CUX2: variants seen among roughly 807,000 people sequenced by gnomAD.
The protein encoded by CUX2 is homeobox protein cut-like 2.
Under a neutral mutation model 144.8 loss-of-function variants are expected in CUX2, and 40 were observed. The observed-to-expected ratio is 0.28, with a 90% CI of 0.21 to 0.36. CUX2 has a LOEUF of 0.36. Ranked by LOEUF, CUX2 falls within the 10% of genes least tolerant of loss-of-function variation. CUX2 has a pLI of 1.00. For synonymous variants in CUX2, 827 were observed against 875.6 expected (o/e 0.94, Z 0.98); for missense variants, 1,615 against 1,994.0 (o/e 0.81, Z 3.62).
chr12:111,041,080 A>G (rs1381121914), intron 1 of CUX2, among the ~76,000 whole-genome samples: 1 of 152,210 alleles, frequency 6.6e-6, no homozygotes, highest in Admixed American at 6.5e-5. Context: ...GAGCAGTGAG[A>G]GGCCCCTGCC....
Position 111,148,983 on chromosome 12 carries a change from C to T in CUX2, c.64-65217C>T, listed in dbSNP as rs770892770. On this transcript the variant is annotated intron_variant, in intron 1 of 21. Transcript: ENST00000261726. The stretch of plus-strand genomic sequence containing the variant: ...CTCCACTCCAGCCTGGGTGACAGAG[C>T]GAGACCCTGCCTCTAAGGGTGGAAA... Among the ~76,000 whole-genome samples the T allele has an allele frequency of 2.6e-5, 4 of 151,962 alleles. No individual in the cohort carries two copies. The East Asian group carries it at 5.8e-4, about 22-fold the overall frequency.
At position 111,293,527 on chromosome 12, in the gene CUX2, T is replaced by C; in HGVS notation, c.518T>C (p.Leu173Pro). 1.2e-6 allele frequency: 2 copies of C among 1,600,430 alleles called. No homozygotes were observed. Among genetic ancestry groups the C allele is most frequent in the Non-Finnish European group, 1.7e-6 (2 of 1,175,314 alleles). ...RLPGIPGKAL[L>P]TETLLQRNEA... ...CCAGGCATTCCCGGGAAAGCCCTCC[T>C]GACAGAAACCTTGCTGCAGAGAAAT... The change falls in exon 6 of 22, where the codon CTG becomes CCG. Residue 173 changes from leucine (L) to proline (P), a missense_variant. Coordinates refer to ENST00000261726, the MANE Select transcript of CUX2 (RefSeq NM_015267.4). The surrounding 1 kb of genome is among the most constrained non-coding windows in gnomAD (Gnocchi z 4.5).
At position 111,295,488 on chromosome 12, in the gene CUX2, G is replaced by T; in HGVS notation, c.637+79G>T. 7.9e-7 allele frequency: 1 copy of T among 1,259,060 alleles called. No individual in the cohort carries two copies. Among genetic ancestry groups the T allele is most frequent in the Non-Finnish European group, 1.1e-6 (1 of 899,598 alleles). The allele number at this position is 1,259,060 out of a possible 1,614,324, so 78.0% of individuals were successfully genotyped here. A position where few individuals can be genotyped will look rare whatever the true frequency, so the allele number is the denominator to read the frequency against. On this transcript the variant is annotated intron_variant, in intron 7 of 21. Transcript: ENST00000261726. The surrounding 1 kb of genome is among the most constrained non-coding windows in gnomAD (Gnocchi z 5.0). ...CTGTCAACGAGGGGTCACGGCTTGGGGTCTGCCACATCCAGGTGTTTTAGA... is the reference window on the plus strand; with the variant it reads ...CTGTCAACGAGGGGTCACGGCTTGGTGTCTGCCACATCCAGGTGTTTTAGA...
intron 1 of CUX2, among the ~76,000 whole-genome samples, chr12:111,125,656 T>C (rs1875011307): frequency 6.6e-6 from 1 of 152,204 alleles, no homozygotes; most frequent in Admixed American, 6.5e-5. Context: ...TTGCTAGGAA[T>C]GTGGCTTGTT....
chr12:111,236,307 A>C lies in CUX2; in HGVS notation c.222+18370A>C, dbSNP rs374881670. 2.6e-5 allele frequency among the ~76,000 whole-genome samples: 4 copies of C among 152,200 alleles called. No homozygotes were observed. The East Asian group carries it at 5.8e-4, about 22-fold the overall frequency. ...TGTTCCTAGGAACATCAGTAGCCAC[A>C]GCAGCCAGATCTCCTGGGTCTCAGT... On this transcript the variant is annotated intron_variant, in intron 3 of 21. Coordinates refer to ENST00000261726, the MANE Select transcript of CUX2 (RefSeq NM_015267.4).
intron 14 of CUX2, among the ~76,000 whole-genome samples, chr12:111,308,978 C>T (rs1886740059): frequency 6.6e-6 from 1 of 150,708 alleles, no homozygotes; most frequent in African/African-American, 2.4e-5. Context: ...GATCTCGGCT[C>T]ACTGCAGCCT....
intron 2 of CUX2, among the ~76,000 whole-genome samples, chr12:111,216,546 G>A (rs1371202838): frequency 2.6e-5 from 4 of 152,174 alleles, no homozygotes; most frequent in South Asian, 2.1e-4. Context: ...CAGAGGTTCC[G>A]TGCTCATGCT....
intron 4 of CUX2, among the ~76,000 whole-genome samples, chr12:111,265,781 C>T (rs953814775): frequency 6.6e-6 from 1 of 152,162 alleles, no homozygotes; most frequent in African/African-American, 2.4e-5. Flanking sequence ...TAACTCTCCC[C>T]ACCCAGACCT....
At chr12:111,103,063 AGG>A (rs1873355025) in intron 1 of CUX2, among the ~76,000 whole-genome samples, 2 of 152,174 alleles carry the variant, frequency 1.3e-5, no homozygotes, top group African/African-American at 4.8e-5. Context: ...TCCTGCCTAG[AGG>A]GGACACTCCT....
chr12:111,069,533 T>TGTGTGTGTGTGTGTGTGTGCGCACGC (rs1566199149), intron 1 of CUX2, among the ~76,000 whole-genome samples: 10 of 148,138 alleles, frequency 6.8e-5, no homozygotes, highest in East Asian at 2.0e-4. Flanking sequence ...TGTGTGTGTG[T>TGTGTGTGTGTGTGTGTGTGCGCACGC]GTGTGTGTGT....
intron 4 of CUX2, among the ~76,000 whole-genome samples, chr12:111,283,532 G>A (rs943136020): frequency 1.3e-4 from 20 of 152,246 alleles, no homozygotes; most frequent in African/African-American, 4.1e-4. Flanking sequence ...GGAGCTCGGC[G>A]TGCTCAGATA....
At chr12:111,228,540 C>T (rs563887210) in intron 3 of CUX2, among the ~76,000 whole-genome samples, 14 of 152,288 alleles carry the variant, frequency 9.2e-5, no homozygotes, top group Admixed American at 6.5e-5. Context: ...TCTCCTGCCT[C>T]AGCCTCCTGA....
At chr12:111,100,405 G>A (rs1164480841) in intron 1 of CUX2, among the ~76,000 whole-genome samples, 2 of 152,112 alleles carry the variant, frequency 1.3e-5, no homozygotes, top group African/African-American at 2.4e-5. Context: ...CATGAGTTGT[G>A]TGTGTGTCTG....
chr12:111,113,583 C>G (rs1399733231), intron 1 of CUX2, among the ~76,000 whole-genome samples: 1 of 152,102 alleles, frequency 6.6e-6, no homozygotes, highest in Non-Finnish European at 1.5e-5. Flanking sequence ...GAGACAGAGT[C>G]TCGCTCTGTC....
chr12:111,299,875 T>C (rs1886199827), intron 9 of CUX2, among the ~76,000 whole-genome samples: 1 of 152,038 alleles, frequency 6.6e-6, no homozygotes, highest in African/African-American at 2.4e-5. Flanking sequence ...CCCACGAATA[T>C]ATCTTTTTGT....
rs910763540 is a variant in CUX2, at chr12:111,289,909, C to A, written c.302-1509C>A. Among the ~76,000 whole-genome samples, 1 of 152,138 alleles carries A rather than the reference C, an allele frequency of 6.6e-6. No homozygotes were observed. The highest frequency in any genetic ancestry group is 2.4e-5 in the African/African-American group (1 of 41,414). On this transcript the variant is annotated intron_variant, in intron 4 of 21. Coordinates refer to ENST00000261726, the MANE Select transcript of CUX2 (RefSeq NM_015267.4). This position sits in a 1 kb window ranked among gnomAD's most constrained non-coding sequence, Gnocchi z 4.1. The stretch of plus-strand genomic sequence containing the variant: ...GCAGCTGCCTGGGAGCATCTAGACC[C>A]CCACATAGCCTACAGAAGTGCTGGC...
rs566074339 is a variant in CUX2, at chr12:111,229,720, C to CA, written c.222+11793dup. On this transcript the variant is annotated intron_variant, in intron 3 of 21. Coordinates refer to ENST00000261726, the MANE Select transcript of CUX2 (RefSeq NM_015267.4). ...AGGTCAAGACCAGGCTTGGTCTCTA[C>CA]AAAAAAAAAAGTTTTTTTGGCCAAG... Among the ~76,000 whole-genome samples, 148 of 146,402 alleles carry CA rather than the reference C, an allele frequency of 1.0e-3. 1 individual carries two copies. The highest frequency in any genetic ancestry group is 1.6e-3 in the Non-Finnish European group (108 of 66,220).
chr12:111,298,731 C>A, intron 9 of CUX2, 142 bp downstream of exon 9: 1 of 954,912 alleles, frequency 1.0e-6, no homozygotes, highest in Non-Finnish European at 1.6e-6. Context: ...AGTGAGGGAG[C>A]CAGGAGGAGT....
At chr12:111,115,091 G>T (rs1647141528) in intron 1 of CUX2, among the ~76,000 whole-genome samples, 1 of 151,850 alleles carries the variant, frequency 6.6e-6, no homozygotes, top group Non-Finnish European at 1.5e-5. Context: ...TTCTGAAATT[G>T]GATAGATTAA....
Sources: allele counts gnomAD v4.1 joint callset (sites outside exome capture counted in the v4.1 genomes callset), GRCh38; gene constraint gnomAD v4.1.1; non-coding constraint Gnocchi (gnomAD v3.1); transcripts MANE v1.5; gene names NCBI Gene and HGNC (gene_info 2026-07-23, HGNC 2026-07-21).